Variants in CA13 observed in about 807,000 individuals in gnomAD.
The protein encoded by CA13 is carbonic anhydrase 13.
CA13 carries 21 observed loss-of-function variants against 31.5 expected under a neutral mutation model. That is an observed-to-expected ratio of 0.67 (90% CI 0.47 to 0.96). CA13 has a LOEUF of 0.96. CA13 is among the 40% of genes least tolerant of loss of function. CA13 has a pLI of 0.00. For missense variants in CA13, 315 were observed against 318.9 expected, an observed-to-expected ratio of 0.99 and a Z score of 0.09; for synonymous variants, 117 against 111.4, an observed-to-expected ratio of 1.05 and a Z score of -0.32.
chr8:85,269,985 A>G (rs1211018895), intron 6 of CA13, among the ~76,000 whole-genome samples: 1 of 152,148 alleles, frequency 6.6e-6, no homozygotes, highest in African/African-American at 2.4e-5. Flanking sequence ...GGCCTCCCAA[A>G]GTGCTAGGAT....
intron 6 of CA13, among the ~76,000 whole-genome samples, chr8:85,271,979 G>A (rs1439200928): frequency 6.6e-6 from 1 of 152,106 alleles, no homozygotes; most frequent in Non-Finnish European, 1.5e-5. Context: ...CGAGGCAGGA[G>A]AATCACTTGA....
chr8:85,261,174 C>G (rs1002904890), intron 3 of CA13, among the ~76,000 whole-genome samples: 11 of 152,016 alleles, frequency 7.2e-5, no homozygotes, highest in African/African-American at 2.7e-4. Context: ...CTTTGGTTCA[C>G]TTATGTATTT....
Position 85,277,261 on chromosome 8 carries a change from C to A in CA13, c.670-3969C>A, listed in dbSNP as rs189461561. On this transcript the variant is annotated intron_variant, in intron 6 of 6. Coordinates refer to ENST00000321764, the MANE Select transcript of CA13 (RefSeq NM_198584.3). ...CGTTTATGAGCTGCAACACTCACTG[C>A]AAAGGTCTGCAGCTTCACTCCTGAA... is the stretch of plus-strand genomic sequence containing the variant. Among the ~76,000 whole-genome samples the A allele has an allele frequency of 5.0e-3, 761 of 152,276 alleles. 10 individuals carry two copies. Among genetic ancestry groups the A allele is most frequent in the African/African-American group, 0.017 (726 of 41,546 alleles).
intron 2 of CA13, among the ~76,000 whole-genome samples, chr8:85,252,766 A>G (rs1225400054): frequency 2.0e-5 from 3 of 152,192 alleles, no homozygotes; most frequent in Non-Finnish European, 4.4e-5. Flanking sequence ...ATGAAAAAAT[A>G]TAGTTAATTT....
chr8:85,270,243 T>C (rs1807511643), intron 6 of CA13, among the ~76,000 whole-genome samples: 1 of 152,230 alleles, frequency 6.6e-6, no homozygotes, highest in African/African-American at 2.4e-5. Flanking sequence ...CCCACCTGCC[T>C]ACCTGTTTAT....
chr8:85,250,988 A>G, intron 2 of CA13, 51 bp downstream of exon 2: 2 of 1,103,840 alleles, frequency 1.8e-6, no homozygotes, highest in South Asian at 1.3e-5. Context: ...GGTTTGAATG[A>G]TTAGACTATA....
chr8:85,246,435 T>C (rs1219381225), intron 1 of CA13: 1 of 456,118 alleles, frequency 2.2e-6, no homozygotes, highest in Non-Finnish European at 4.4e-6. Flanking sequence ...TGCAGTTGGC[T>C]GACTACTACT....
chr8:85,245,546 C>T lies in CA13; in HGVS notation c.-283C>T. 6.6e-6 allele frequency: 3 copies of T among 456,404 alleles called. No homozygotes were observed. The highest frequency in any genetic ancestry group is 2.7e-5 in the South Asian group (1 of 36,658). 28.3% of individuals were successfully genotyped at this position (456,404 alleles called of 1,614,324 possible). Reference sequence around the variant, plus strand: ...CAGGAGATCCCCCCCGGAAACCTTTCTCTCTCCGTCTCTCCCTCTAACTCA... The same window carrying T: ...CAGGAGATCCCCCCCGGAAACCTTTTTCTCTCCGTCTCTCCCTCTAACTCA... On this transcript the variant is annotated 5_prime_UTR_variant, in exon 1 of 7. Transcript: ENST00000321764.
chr8:85,260,493 C>T (rs543102234), intron 3 of CA13, among the ~76,000 whole-genome samples: 4 of 152,252 alleles, frequency 2.6e-5, no homozygotes, highest in Admixed American at 6.5e-5. Flanking sequence ...CAGAGAAATC[C>T]GACAATCAGA....
At chr8:85,271,887 G>A (rs944724220) in intron 6 of CA13, among the ~76,000 whole-genome samples, 1 of 152,030 alleles carries the variant, frequency 6.6e-6, no homozygotes, top group Admixed American at 6.6e-5. Flanking sequence ...TGGTCAACAT[G>A]GTAAAACCCC....
Position 85,245,778 on chromosome 8 carries a change from T to A in CA13, c.-51T>A, listed in dbSNP as rs781432195. On this transcript the variant is annotated 5_prime_UTR_variant, in exon 1 of 7. Coordinates refer to ENST00000321764, the MANE Select transcript of CA13 (RefSeq NM_198584.3). ...TCCCGGGCCCCTCCCCGCTCCCTCC[T>A]CTTTCTCGCTGCTCAGTCACATCTT... The A allele has an allele frequency of 6.2e-7, 1 of 1,607,284 alleles. No individual in the cohort carries two copies. The highest frequency in any genetic ancestry group is 8.5e-7 in the Non-Finnish European group (1 of 1,174,264).
chr8:85,272,814 T>G (rs569683898), intron 6 of CA13, among the ~76,000 whole-genome samples: 8 of 152,056 alleles, frequency 5.3e-5, no homozygotes, highest in Admixed American at 3.9e-4. Flanking sequence ...TTACATTGTT[T>G]CCTTTTCTTT....
At position 85,267,964 on chromosome 8, in the gene CA13, G is replaced by C. The variant is rs755872579; in HGVS notation, c.513G>C (p.Lys171Asn). ...ITDTLDSIKEKGKQTRFTNFD... is the reference protein window; with the variant it reads ...ITDTLDSIKENGKQTRFTNFD... ...ACACTTTGGATTCCATTAAAGAAAA[G>C]GTAAAATGAATTACTGTTAATAATT... Residue 171 changes from lysine (K) to asparagine (N), a missense_variant and splice_region_variant, in exon 5 of 7, where the codon AAG (lysine) becomes AAC (asparagine). By Grantham distance (94) the Lys-to-Asn change is moderately conservative (BLOSUM62 0). Coordinates refer to ENST00000321764, the MANE Select transcript of CA13 (RefSeq NM_198584.3). The C allele has an allele frequency of 3.2e-6, 5 of 1,550,244 alleles. No individual in the cohort carries two copies. Among genetic ancestry groups the C allele is most frequent in the Non-Finnish European group, 4.4e-6 (5 of 1,127,008 alleles).
At chr8:85,269,590 GCTGT>G (rs983041145) in intron 6 of CA13, among the ~76,000 whole-genome samples, 9 of 152,178 alleles carry the variant, frequency 5.9e-5, no homozygotes, top group African/African-American at 2.2e-4. Flanking sequence ...CTTTTGTTGG[GCTGT>G]CTGAGGGGCT....
chr8:85,283,276 G>A lies in CA13; in HGVS notation c.*1927G>A, dbSNP rs1807733867. ...ATTCTGCCGTGTTGATAGAATAACT[G>A]AATATCAGTAAATTGTGTAACAGTG... On this transcript the variant is annotated 3_prime_UTR_variant, in exon 7 of 7. Coordinates refer to ENST00000321764, the MANE Select transcript of CA13 (RefSeq NM_198584.3). 6.6e-6 allele frequency: 1 copy of A among 152,148 alleles called. No individual in the cohort carries two copies. The highest frequency in any genetic ancestry group is 2.4e-5 in the African/African-American group (1 of 41,424). 9.4% of individuals were successfully genotyped at this position (152,148 alleles called of 1,614,324 possible).
chr8:85,247,483 A>C (rs1184689138), intron 1 of CA13, among the ~76,000 whole-genome samples: 2 of 152,204 alleles, frequency 1.3e-5, no homozygotes, highest in African/African-American at 4.8e-5. Flanking sequence ...TGAAGACCAC[A>C]TCCTTACTTA....
At position 85,250,767 on chromosome 8, in the gene CA13, C is replaced by T. The variant is rs1339927915; in HGVS notation, c.65C>T (p.Pro22Leu). Reference sequence around the variant, plus strand: ...CCTATTCACTGGAAGGAATTTTTCCCTATTGCTGATGGTGATCAGCAATCT... The same window carrying T: ...CCTATTCACTGGAAGGAATTTTTCCTTATTGCTGATGGTGATCAGCAATCT... Reference protein sequence around the residue: ...NGPIHWKEFFPIADGDQQSPI... With the variant: ...NGPIHWKEFFLIADGDQQSPI... Residue 22 changes from proline (P) to leucine (L), a missense_variant, in exon 2 of 7, where the codon CCT (proline) becomes CTT (leucine). By Grantham distance (98) the Pro-to-Leu change is moderately conservative. Transcript: ENST00000321764. 6.2e-7 allele frequency: 1 copy of T among 1,613,192 alleles called. No homozygotes were observed. The highest frequency in any genetic ancestry group is 8.5e-7 in the Non-Finnish European group (1 of 1,179,288).
At chr8:85,270,207 A>C (rs1807511245) in intron 6 of CA13, among the ~76,000 whole-genome samples, 1 of 152,134 alleles carries the variant, frequency 6.6e-6, no homozygotes, top group Admixed American at 6.5e-5. Flanking sequence ...TTTTGCAGCT[A>C]ATAAAGTACA....
intron 2 of CA13, among the ~76,000 whole-genome samples, chr8:85,252,831 G>A (rs1807217719): frequency 6.6e-6 from 1 of 152,110 alleles, no homozygotes; most frequent in Non-Finnish European, 1.5e-5. Flanking sequence ...CCCAGATTTA[G>A]ATTAGTAGTA....
Sources: gnomAD v4.1 joint callset for allele counts (sites outside exome capture counted in the v4.1 genomes callset) on GRCh38, gnomAD v4.1.1 for gene constraint, MANE v1.5 for transcripts, NCBI Gene and HGNC (gene_info 2026-07-23, HGNC 2026-07-21) for gene names.